Variants in IGSF21 observed in about 807,000 individuals in gnomAD.
IGSF21 encodes the protein immunoglobin superfamily member 21, also known as immunoglobulin superfamily member 21.
In IGSF21, 28 loss-of-function variants were observed where a neutral mutation model predicts 46.8. The ratio of observed to expected loss-of-function variants is 0.60; its 90% CI spans 0.44 to 0.82. IGSF21 has a LOEUF of 0.82. Ranked by LOEUF, IGSF21 falls within the 40% of genes least tolerant of loss-of-function variation. IGSF21 has a pLI of 0.00. For missense variants in IGSF21, 624 were observed against 665.5 expected (o/e 0.94, Z 0.69); for synonymous variants, 284 against 273.6 (o/e 1.04, Z -0.38).
intron 2 of IGSF21, among the ~76,000 whole-genome samples, chr1:18,281,297 T>C (rs112801553): frequency 0.018 from 2,704 of 149,886 alleles, 85 homozygotes; most frequent in African/African-American, 0.063. Context: ...TGGTGGCTCA[T>C]GCCTGTAATC....
chr1:18,276,184 C>G lies in IGSF21; in HGVS notation c.184-15682C>G, dbSNP rs572596779. 9.2e-5 allele frequency among the ~76,000 whole-genome samples: 14 copies of G among 152,240 alleles called. No individual in the cohort carries two copies. In the East Asian group the frequency reaches 2.7e-3, roughly 29 times the overall value. On this transcript the variant is annotated intron_variant, in intron 2 of 9. Coordinates refer to ENST00000251296, the MANE Select transcript of IGSF21 (RefSeq NM_032880.5). ...AAGGTGGGTGCTGAACAGGGCTCCTCCTTGGCAAGAAGTTGACCACTGTTC... is the reference window on the plus strand; with the variant it reads ...AAGGTGGGTGCTGAACAGGGCTCCTGCTTGGCAAGAAGTTGACCACTGTTC...
intron 1 of IGSF21, among the ~76,000 whole-genome samples, chr1:18,134,714 C>G (rs556650128): frequency 2.6e-5 from 4 of 152,304 alleles, no homozygotes; most frequent in Admixed American, 2.0e-4. Flanking sequence ...CAGGGTGGAC[C>G]TCACAGGTAC....
chr1:18,151,943 C>T (rs2086525257), intron 1 of IGSF21, among the ~76,000 whole-genome samples: 1 of 152,106 alleles, frequency 6.6e-6, no homozygotes, highest in Non-Finnish European at 1.5e-5. Context: ...GCAGGTTGCT[C>T]CAGGGATTTG....
intron 1 of IGSF21, among the ~76,000 whole-genome samples, chr1:18,135,546 A>G (rs1216784567): frequency 6.6e-6 from 1 of 152,106 alleles, no homozygotes; most frequent in Non-Finnish European, 1.5e-5. Context: ...TTTGCTGAGA[A>G]TGATGGTTTC....
intron 4 of IGSF21, among the ~76,000 whole-genome samples, chr1:18,353,490 C>T (rs570960919): frequency 6.6e-6 from 1 of 152,298 alleles, no homozygotes; most frequent in Admixed American, 6.5e-5. Flanking sequence ...GTGTTGCTTA[C>T]ATTCTAGTGA....
At chr1:18,197,889 TG>T (rs1285993331) in intron 1 of IGSF21, among the ~76,000 whole-genome samples, 1 of 152,208 alleles carries the variant, frequency 6.6e-6, no homozygotes, top group African/African-American at 2.4e-5. Context: ...GTGTCTTAGC[TG>T]TGCTGACGTG....
intron 1 of IGSF21, among the ~76,000 whole-genome samples, chr1:18,145,814 C>T (rs567392344): frequency 6.6e-6 from 1 of 152,284 alleles, no homozygotes; most frequent in East Asian, 1.9e-4. Flanking sequence ...CCCTTGGGCT[C>T]CCCTGCCAAG....
chr1:18,178,900 A>T (rs1227175278), intron 1 of IGSF21, among the ~76,000 whole-genome samples: 2 of 152,234 alleles, frequency 1.3e-5, no homozygotes, highest in African/African-American at 2.4e-5. Context: ...TAAGGGCATA[A>T]GTTAGATAAC....
chr1:18,136,295 G>A (rs2086367180), intron 1 of IGSF21, among the ~76,000 whole-genome samples: 2 of 152,060 alleles, frequency 1.3e-5, no homozygotes, highest in African/African-American at 2.4e-5. Flanking sequence ...GGCTTTTGTT[G>A]CCATTGCTTT....
At chr1:18,139,350 G>GGCA (rs144394517) in intron 1 of IGSF21, among the ~76,000 whole-genome samples, 21,185 of 152,080 alleles carry the variant, frequency 0.14, 1,561 homozygotes, top group Middle Eastern at 0.17. Context: ...GGTTCCGGGA[G>GGCA]CTGTCTACGT....
intron 1 of IGSF21, among the ~76,000 whole-genome samples, chr1:18,199,667 GC>G (rs2087048103): frequency 6.6e-6 from 1 of 152,066 alleles, no homozygotes; most frequent in African/African-American, 2.4e-5. Flanking sequence ...GCAGGTGGCA[GC>G]CCCCCTCCCC....
At chr1:18,312,066 G>A (rs984249682) in intron 3 of IGSF21, among the ~76,000 whole-genome samples, 7 of 152,084 alleles carry the variant, frequency 4.6e-5, no homozygotes, top group African/African-American at 1.2e-4. Context: ...CTGCTTCTCC[G>A]TAGCGTGTAT....
At chr1:18,302,723 C>T (rs2085374240) in intron 3 of IGSF21, among the ~76,000 whole-genome samples, 1 of 152,120 alleles carries the variant, frequency 6.6e-6, no homozygotes, top group South Asian at 2.1e-4. Flanking sequence ...GATCTTGATG[C>T]CCCAGAGGCC....
At chr1:18,308,964 TTGGCACCTGG>T (rs894730811) in intron 3 of IGSF21, among the ~76,000 whole-genome samples, 1 of 152,106 alleles carries the variant, frequency 6.6e-6, no homozygotes, top group African/African-American at 2.4e-5. Context: ...TGGGAGCCAC[TTGGCACCTGG>T]TGGCACCAGG....
At chr1:18,118,955 G>A (rs1210651990) in intron 1 of IGSF21, among the ~76,000 whole-genome samples, 2 of 122,184 alleles carry the variant, frequency 1.6e-5, no homozygotes, top group Non-Finnish European at 3.2e-5. Flanking sequence ...TTCCTTGTCT[G>A]ATTGAGGAAC....
chr1:18,243,016 G>A (rs12566407), intron 2 of IGSF21, among the ~76,000 whole-genome samples: 31,427 of 152,054 alleles, frequency 0.21, 3,508 homozygotes, highest in East Asian at 0.38. Flanking sequence ...ACTCCCATCA[G>A]GCGCTCAGTG....
At chr1:18,336,342 C>T (rs540201835) in intron 4 of IGSF21, among the ~76,000 whole-genome samples, 1 of 152,332 alleles carries the variant, frequency 6.6e-6, no homozygotes, top group South Asian at 2.1e-4. Flanking sequence ...CCCTCTGCAG[C>T]TATTGGGCTG....
intron 2 of IGSF21, among the ~76,000 whole-genome samples, chr1:18,245,763 G>T (rs1357638415): frequency 6.6e-6 from 1 of 152,176 alleles, no homozygotes; most frequent in Non-Finnish European, 1.5e-5. Flanking sequence ...GCTTGGCAGG[G>T]TGGGTGGTTG....
At chr1:18,132,510 G>A (rs1339271483) in intron 1 of IGSF21, among the ~76,000 whole-genome samples, 1 of 152,232 alleles carries the variant, frequency 6.6e-6, no homozygotes, top group Non-Finnish European at 1.5e-5. Flanking sequence ...CAGCCTGTAG[G>A]CAGAGGGATG....
Sources: gnomAD v4.1 joint callset for allele counts (sites outside exome capture counted in the v4.1 genomes callset) on GRCh38, gnomAD v4.1.1 for gene constraint, MANE v1.5 for transcripts, NCBI Gene and HGNC (gene_info 2026-07-23, HGNC 2026-07-21) for gene names.